PHKB: variants seen among roughly 807,000 people sequenced by gnomAD.
PHKB encodes the protein phosphorylase b kinase regulatory subunit beta.
In PHKB, 122 loss-of-function variants were observed where a neutral mutation model predicts 152.1. The observed-to-expected ratio is 0.80, with a 90% CI of 0.69 to 0.93. The LOEUF (loss-of-function observed/expected upper bound fraction) is 0.93, where lower values mean the gene tolerates loss of function less well. PHKB is among the 40% of genes least tolerant of loss of function. The pLI is 0.00. For synonymous variants in PHKB, 436 were observed against 464.9 expected (o/e 0.94, Z 0.80); for missense variants, 1,304 against 1,328.4 (o/e 0.98, Z 0.29).
At chr16:47,492,253 G>T (rs1042781152) in intron 1 of PHKB, among the ~76,000 whole-genome samples, 1 of 152,098 alleles carries the variant, frequency 6.6e-6, no homozygotes. Flanking sequence ...TGGAAAGATG[G>T]ACAAAGTACA....
At chr16:47,674,310 A>G (rs185186456) in intron 26 of PHKB, among the ~76,000 whole-genome samples, 1 of 152,184 alleles carries the variant, frequency 6.6e-6, no homozygotes, top group Non-Finnish European at 1.5e-5. Flanking sequence ...AGAAAATGGG[A>G]TGATTCTAAG....
chr16:47,693,628 G>A (rs1974101359), intron 28 of PHKB, 121 bp downstream of exon 28: 5 of 1,089,792 alleles, frequency 4.6e-6, no homozygotes, highest in Middle Eastern at 2.9e-4. Context: ...TTCAAAGAAG[G>A]AATGAAATAC....
intron 30 of PHKB, 69 bp from the exon 31 acceptor site, chr16:47,699,160 C>CA: frequency 1.4e-6 from 2 of 1,451,036 alleles, no homozygotes; most frequent in Non-Finnish European, 1.9e-6. Flanking sequence ...CCTAAGCTGA[C>CA]ACAGATTTTA....
intron 6 of PHKB, among the ~76,000 whole-genome samples, chr16:47,522,961 ATTT>A (rs375826369): frequency 1.6e-5 from 2 of 122,504 alleles, no homozygotes; most frequent in Admixed American, 1.6e-4. Context: ...TTTCAAGTCA[ATTT>A]TTTTTTTTTT....
intron 6 of PHKB, among the ~76,000 whole-genome samples, chr16:47,521,102 T>G (rs953388295): frequency 2.6e-5 from 4 of 152,228 alleles, no homozygotes; most frequent in Admixed American, 2.6e-4. Flanking sequence ...ATTGATCTTG[T>G]GTTCTGCAAT....
chr16:47,499,930 G>A, intron 3 of PHKB, 36 bp downstream of exon 3: 1 of 1,612,916 alleles, frequency 6.2e-7, no homozygotes, highest in East Asian at 2.2e-5. Context: ...AACTTTGAGA[G>A]TGGATAATAG....
In PHKB at chr16:47,641,622, A is replaced by G. The variant is rs143884635; in HGVS notation, c.1538A>G (p.Tyr513Cys). 29 of 1,593,868 alleles carry G rather than the reference A, an allele frequency of 1.8e-5. No individual in the cohort carries two copies. Among genetic ancestry groups the G allele is most frequent in the Non-Finnish European group, 2.3e-5 (27 of 1,161,494 alleles). ...AGACTTCAAGTTTTTCTGAACACATATGGTATTCAAACTCAAACTCCTCAA... is the reference window on the plus strand; with the variant it reads ...AGACTTCAAGTTTTTCTGAACACATGTGGTATTCAAACTCAAACTCCTCAA... ...SQRLQVFLNTYGIQTQTPQQV... is the reference protein window; with the variant it reads ...SQRLQVFLNTCGIQTQTPQQV... The change falls in exon 16 of 31, where the codon TAT (tyrosine) becomes TGT (cysteine). Residue 513 changes from tyrosine (Y) to cysteine (C), a missense_variant. Transcript: ENST00000323584.
intron 1 of PHKB, among the ~76,000 whole-genome samples, chr16:47,493,653 C>G (rs1970186788): frequency 1.3e-5 from 2 of 152,132 alleles, no homozygotes; most frequent in South Asian, 4.1e-4. Flanking sequence ...TTTTCGTTTT[C>G]CTTCCTGAAT....
intron 13 of PHKB, among the ~76,000 whole-genome samples, chr16:47,600,679 T>C (rs1972206915): frequency 6.6e-6 from 1 of 152,226 alleles, no homozygotes; most frequent in African/African-American, 2.4e-5. Context: ...GTAGAACATG[T>C]TACTATACTG....
At chr16:47,493,482 G>A (rs112001912) in intron 1 of PHKB, among the ~76,000 whole-genome samples, 5 of 152,144 alleles carry the variant, frequency 3.3e-5, no homozygotes, top group Middle Eastern at 3.4e-3. Flanking sequence ...ACACTATTTC[G>A]ACCGTTGTAA....
chr16:47,643,947 TCACTACTGTGTCTTTCGGTG>T (rs1428391956), intron 16 of PHKB, among the ~76,000 whole-genome samples: 1 of 152,174 alleles, frequency 6.6e-6, no homozygotes, highest in Non-Finnish European at 1.5e-5. Context: ...GGTAGTTTGG[TCACTACTGTGTCTTTCGGTG>T]CACTAAATGG....
At chr16:47,607,046 A>T (rs1222363191) in intron 13 of PHKB, among the ~76,000 whole-genome samples, 1 of 152,192 alleles carries the variant, frequency 6.6e-6, no homozygotes, top group African/African-American at 2.4e-5. Context: ...AATCTCTTTT[A>T]GAATTTTGTA....
chr16:47,649,300 A>G (rs1597150000), intron 18 of PHKB, 96 bp downstream of exon 18: 2 of 778,684 alleles, frequency 2.6e-6, no homozygotes, highest in East Asian at 2.5e-5. Context: ...TATCTGTGAC[A>G]CTGGGTTAAC....
At chr16:47,473,218 ATTTTTTT>A (rs1043960499) in intron 1 of PHKB, among the ~76,000 whole-genome samples, 640 of 48,618 alleles carry the variant, frequency 0.013, 1 homozygote, top group Middle Eastern at 0.023. Context: ...TGCCTGGCTA[ATTTTTTT>A]TTTTTTTTTT....
At chr16:47,669,000 T>A (rs372419615) in intron 25 of PHKB, among the ~76,000 whole-genome samples, 4 of 152,168 alleles carry the variant, frequency 2.6e-5, no homozygotes, top group African/African-American at 7.2e-5. Flanking sequence ...TCACCTGCCC[T>A]TATATTTTAG....
rs556610377 is a variant in PHKB at position 47,611,621 on chromosome 16, A to C, written c.1458+701A>C. On this transcript the variant is annotated intron_variant, in intron 14 of 30. Coordinates refer to ENST00000323584, the MANE Select transcript of PHKB (RefSeq NM_000293.3). ...AACGCTTACAGAAGATAGGCTTACA[A>C]ATGGAAATGTTCCTTATATTTAAAA... Among the ~76,000 whole-genome samples, 555 of 152,234 alleles carry C rather than the reference A, an allele frequency of 3.6e-3. 5 individuals carry two copies. The highest frequency in any genetic ancestry group is 5.8e-3 in the Non-Finnish European group (396 of 67,976).
intron 6 of PHKB, among the ~76,000 whole-genome samples, chr16:47,521,938 T>A (rs1970692735): frequency 1.3e-5 from 2 of 152,222 alleles, no homozygotes; most frequent in Admixed American, 1.3e-4. Flanking sequence ...TAATCCTTTT[T>A]AAATGTCACT....
intron 4 of PHKB, 96 bp downstream of exon 4, chr16:47,503,186 T>C: frequency 4.4e-6 from 4 of 916,880 alleles, no homozygotes; most frequent in Non-Finnish European, 3.5e-6. Flanking sequence ...GAATGTACTT[T>C]TCAAAGGGAA....
Position 47,685,623 on chromosome 16 carries a change from A to G in PHKB, c.2631-3418A>G, listed in dbSNP as rs191067890. Among the ~76,000 whole-genome samples, 3 of 152,208 alleles carry G rather than the reference A, an allele frequency of 2.0e-5. No homozygotes were observed. The East Asian group carries it at 5.8e-4, about 29-fold the overall frequency. ...TACTTTCTGTAGATTTCTGACTGCTATTAATAGTTTTATAGTTTATGTCTA... is the reference window on the plus strand; with the variant it reads ...TACTTTCTGTAGATTTCTGACTGCTGTTAATAGTTTTATAGTTTATGTCTA... On this transcript the variant is annotated intron_variant, in intron 26 of 30. Transcript: ENST00000323584.
Sources: gnomAD v4.1 joint callset for allele counts (sites outside exome capture counted in the v4.1 genomes callset) on GRCh38, gnomAD v4.1.1 for gene constraint, MANE v1.5 for transcripts, NCBI Gene and HGNC (gene_info 2026-07-23, HGNC 2026-07-21) for gene names.